The following CBFA2T3 variants were observed in gnomAD, a reference collection of about 807,000 sequenced individuals.
CBFA2T3 encodes transcriptional corepressor CBFA2T3.
A neutral mutation model predicts 58.6 loss-of-function variants in CBFA2T3; 31 were observed. That is an observed-to-expected ratio of 0.53 (90% CI 0.40 to 0.71). The LOEUF (loss-of-function observed/expected upper bound fraction) is 0.71. Ranked by LOEUF, CBFA2T3 falls within the 30% of genes least tolerant of loss-of-function variation. The pLI is 0.00. For missense variants in CBFA2T3, 1,076 were observed against 963.1 expected, an observed-to-expected ratio of 1.12 and a Z score of -1.55; for synonymous variants, 531 against 421.9, an observed-to-expected ratio of 1.26 and a Z score of -3.17.
At chr16:88,890,182 G>A (rs1969570812) in intron 5 of CBFA2T3, among the ~76,000 whole-genome samples, 1 of 152,182 alleles carries the variant, frequency 6.6e-6, no homozygotes, top group South Asian at 2.1e-4. Flanking sequence ...GGAGGCTGAG[G>A]TGGAAGATTC....
chr16:88,928,422 C>T (rs1467559207), intron 1 of CBFA2T3, among the ~76,000 whole-genome samples: 7 of 152,220 alleles, frequency 4.6e-5, no homozygotes, highest in African/African-American at 7.2e-5. Flanking sequence ...CCAGCTGCCC[C>T]CACACAGGCG....
At chr16:88,898,339 G>A (rs763390818) in intron 2 of CBFA2T3, among the ~76,000 whole-genome samples, 187 bp from the exon 3 acceptor site, 1 of 152,098 alleles carries the variant, frequency 6.6e-6, no homozygotes, top group East Asian at 1.9e-4. Context: ...TTTGATTTTC[G>A]GAGGGGCCTG....
rs143704547 is a variant in CBFA2T3, at chr16:88,886,015, G to T, written c.839C>A (p.Ser280Tyr). The change falls in exon 6 of 12, where the codon TCC becomes TAC. Residue 280 changes from serine to tyrosine, a missense_variant. Coordinates refer to ENST00000268679, the MANE Select transcript of CBFA2T3 (RefSeq NM_005187.6). ...LDASASSPID[S>Y]SELLLEVNEN... ...GTTGACTTCCAGTAGCAGCTCTGAG[G>T]AGTCGATGGGGGAGGAGGCGCTGGC... 100 of 1,563,214 alleles carry T rather than the reference G, an allele frequency of 6.4e-5. No homozygotes were observed. The highest frequency in any genetic ancestry group is 3.7e-4 in the Middle Eastern group (2 of 5,426).
At chr16:88,972,047 C>G (rs548634795) in intron 1 of CBFA2T3, among the ~76,000 whole-genome samples, 1 of 152,234 alleles carries the variant, frequency 6.6e-6, no homozygotes, top group Non-Finnish European at 1.5e-5. Context: ...TGCACCCTGA[C>G]CCTAGGCACC....
At chr16:88,932,356 T>C (rs1971341105) in intron 1 of CBFA2T3, among the ~76,000 whole-genome samples, 1 of 151,764 alleles carries the variant, frequency 6.6e-6, no homozygotes, top group Non-Finnish European at 1.5e-5. Context: ...CCTCTTAAGC[T>C]GGGTGCAGCG....
In CBFA2T3 at chr16:88,892,667, C is replaced by G. The variant is rs57149006; in HGVS notation, c.380-182G>C. 3.5e-4 allele frequency among the ~76,000 whole-genome samples: 53 copies of G among 152,320 alleles called. 1 individual carries two copies. The East Asian group carries it at 7.9e-3, about 23-fold the overall frequency. On this transcript the variant is annotated intron_variant, in intron 3 of 11. Coordinates refer to ENST00000268679, the MANE Select transcript of CBFA2T3 (RefSeq NM_005187.6). ...GGAGCCCTGGGCCCGCCCAGGGCAGCTGAGCTGGCCCTTAGCATGCTGACC... is the reference window on the plus strand; with the variant it reads ...GGAGCCCTGGGCCCGCCCAGGGCAGGTGAGCTGGCCCTTAGCATGCTGACC...
intron 1 of CBFA2T3, among the ~76,000 whole-genome samples, chr16:88,971,019 G>C (rs943845390): frequency 3.9e-5 from 6 of 152,164 alleles, no homozygotes; most frequent in African/African-American, 1.4e-4. Flanking sequence ...GGGGCTGTGA[G>C]TGCCGGAGGC....
chr16:88,944,336 CAAAAAAAAA>C (rs767482759), intron 1 of CBFA2T3, among the ~76,000 whole-genome samples: 2 of 42,318 alleles, frequency 4.7e-5, no homozygotes, highest in African/African-American at 8.9e-5. Flanking sequence ...GACTCCATCT[CAAAAAAAAA>C]AAAAAAAAAA....
At position 88,892,105 on chromosome 16, in the gene CBFA2T3, G is replaced by A. The variant is rs553848410; in HGVS notation, c.622-134C>T. 6 of 1,348,540 alleles carry A rather than the reference G, an allele frequency of 4.4e-6. No individual in the cohort carries two copies. The South Asian group carries it at 5.1e-5, about 12-fold the overall frequency. The allele number at this position is 1,348,540 out of a possible 1,614,324, so 83.5% of individuals were successfully genotyped here. Reference sequence around the variant, plus strand: ...CCAGGAGCTGGGCACGGCCTGAGAGGGTGCAGGTGGCATCGTGGGAGCGGG... The same window carrying A: ...CCAGGAGCTGGGCACGGCCTGAGAGAGTGCAGGTGGCATCGTGGGAGCGGG... On this transcript the variant is annotated intron_variant, in intron 4 of 11. Transcript: ENST00000268679.
intron 1 of CBFA2T3, among the ~76,000 whole-genome samples, chr16:88,915,690 C>CGGGGGAGCGTGGACG (rs1567605390): frequency 1.4e-4 from 6 of 43,540 alleles, no homozygotes; most frequent in Non-Finnish European, 2.1e-4. Context: ...GGAGCGTCGA[C>CGGGGGAGCGTGGACG]GGGGGAGCGT....
intron 1 of CBFA2T3, among the ~76,000 whole-genome samples, chr16:88,931,802 G>T (rs185938759): frequency 0.01 from 1,541 of 152,290 alleles, 15 homozygotes; most frequent in Non-Finnish European, 0.016. Context: ...GTGGTCCCCA[G>T]TGAGCCCTGG....
chr16:88,940,958 G>T (rs1446742249), intron 1 of CBFA2T3: 7 of 834,866 alleles, frequency 8.4e-6, no homozygotes, highest in Non-Finnish European at 1.0e-5. Flanking sequence ...ATCCGGGAAC[G>T]GCAGCCGCGG....
At chr16:88,939,784 C>T (rs949705887) in intron 1 of CBFA2T3, 1 of 152,282 alleles carries the variant, frequency 6.6e-6, no homozygotes, top group South Asian at 2.1e-4. Context: ...CCTCCCCTGC[C>T]GCGAAAGCGA....
chr16:88,924,616 G>C (rs1168446818), intron 1 of CBFA2T3, among the ~76,000 whole-genome samples: 3 of 152,240 alleles, frequency 2.0e-5, no homozygotes, highest in South Asian at 4.1e-4. Context: ...GCCCCTGCAA[G>C]GCAGCACAGG....
At chr16:88,921,318 G>A (rs901957896) in intron 1 of CBFA2T3, among the ~76,000 whole-genome samples, 1 of 152,090 alleles carries the variant, frequency 6.6e-6, no homozygotes, top group Non-Finnish European at 1.5e-5. Context: ...ATTACACGCA[G>A]GCAGCAGAAA....
intron 3 of CBFA2T3, among the ~76,000 whole-genome samples, chr16:88,896,754 C>T (rs11076737): frequency 0.2 from 30,591 of 152,112 alleles, 3,278 homozygotes; most frequent in East Asian, 0.43. Context: ...TTCTCAGACG[C>T]GCCACAGTGC....
At chr16:88,879,746 G>A (rs539352297) in intron 10 of CBFA2T3, 2 of 416,734 alleles carry the variant, frequency 4.8e-6, no homozygotes, top group Non-Finnish European at 8.7e-6. Context: ...GTCACGTGGT[G>A]TCACAAGTCA....
intron 1 of CBFA2T3, among the ~76,000 whole-genome samples, chr16:88,901,998 C>T (rs1033238176): frequency 6.6e-6 from 1 of 152,200 alleles, no homozygotes; most frequent in Non-Finnish European, 1.5e-5. Context: ...GTGCCTTGCT[C>T]CCACCTCCAT....
intron 1 of CBFA2T3, among the ~76,000 whole-genome samples, chr16:88,909,938 C>A (rs930448307): frequency 6.6e-6 from 1 of 152,216 alleles, no homozygotes; most frequent in Non-Finnish European, 1.5e-5. Flanking sequence ...TCTGGGGAAC[C>A]AGAGGGACGA....
Sources: gnomAD v4.1 joint callset for allele counts (sites outside exome capture counted in the v4.1 genomes callset) on GRCh38, gnomAD v4.1.1 for gene constraint, MANE v1.5 for transcripts, NCBI Gene and HGNC (gene_info 2026-07-23, HGNC 2026-07-21) for gene names.